The following PDSS2 variants were observed in gnomAD, a reference collection of about 807,000 sequenced individuals.
PDSS2 encodes the protein all trans-polyprenyl-diphosphate synthase PDSS2.
In PDSS2, 31 loss-of-function variants were observed where a neutral mutation model predicts 44.5. The ratio of observed to expected loss-of-function variants is 0.70; its 90% CI spans 0.52 to 0.94. PDSS2 has a LOEUF of 0.94. Among genes scored for constraint, PDSS2 ranks in the 40% least tolerant of loss-of-function variants. The probability of loss-of-function intolerance (pLI) is 0.00; values close to 1 mark genes in which losing one functional copy is unlikely to be tolerated. For synonymous variants in PDSS2, 157 were observed against 180.3 expected, an observed-to-expected ratio of 0.87 and a Z score of 1.03; for missense variants, 452 against 482.2, an observed-to-expected ratio of 0.94 and a Z score of 0.59.
At chr6:107,301,668 A>T (rs1469744684) in intron 2 of PDSS2, among the ~76,000 whole-genome samples, 3 of 152,106 alleles carry the variant, frequency 2.0e-5, no homozygotes, top group Admixed American at 2.0e-4. Flanking sequence ...ATGAAAATTT[A>T]AAAAAATAGT....
Position 107,459,226 on chromosome 6 carries a change from CG to C in PDSS2, c.59del (p.Pro20ArgfsTer33), listed in dbSNP as rs1782164749. The C allele has an allele frequency of 6.2e-7, 1 of 1,614,084 alleles. No homozygotes were observed. Among genetic ancestry groups the C allele is most frequent in the South Asian group, 1.1e-5 (1 of 91,060 alleles). ...LPRYLGASGS[P>X]RRLWWSPSLD... ...GGGACGGGGACCACCACAGGCGACG[CG>C]GGGAACCCGAGGCTCCAAGATAACG... On this transcript the variant is annotated frameshift_variant, in exon 1 of 8. Transcript: ENST00000369037. LOFTEE classifies it high-confidence loss of function. The surrounding 1 kb of genome is among the most constrained non-coding windows in gnomAD (Gnocchi z 4.3).
intron 1 of PDSS2, among the ~76,000 whole-genome samples, chr6:107,394,193 A>T (rs554012601): frequency 6.6e-6 from 1 of 151,976 alleles, no homozygotes; most frequent in African/African-American, 2.4e-5. Context: ...CTTATTTTTC[A>T]AGTGGTTCTT....
chr6:107,407,333 TA>T lies in PDSS2; in HGVS notation c.296+51656del, dbSNP rs1443596919. Among the ~76,000 whole-genome samples the T allele has an allele frequency of 3.3e-5, 5 of 152,182 alleles. 1 individual carries two copies. The East Asian group carries it at 7.7e-4, about 23-fold the overall frequency. ...GAGTTACTGTTTCTATTTGTGATCA[TA>T]AAAAAGTTCTGAAAATTAATAGTGG... On this transcript the variant is annotated intron_variant, in intron 1 of 7. Coordinates refer to ENST00000369037, the MANE Select transcript of PDSS2 (RefSeq NM_020381.4).
At chr6:107,283,636 C>G in intron 2 of PDSS2, among the ~76,000 whole-genome samples, 1 of 152,114 alleles carries the variant, frequency 6.6e-6, no homozygotes, top group East Asian at 1.9e-4. Flanking sequence ...AGAAGAATCA[C>G]TTGAACCCAG....
At chr6:107,329,048 T>C (rs1397983855) in intron 2 of PDSS2, among the ~76,000 whole-genome samples, 6 of 152,232 alleles carry the variant, frequency 3.9e-5, no homozygotes, top group Non-Finnish European at 8.8e-5. Flanking sequence ...ACGACTTCAC[T>C]AATTCCCTGG....
chr6:107,203,670 A>C (rs1028447285), intron 6 of PDSS2, among the ~76,000 whole-genome samples: 1 of 152,152 alleles, frequency 6.6e-6, no homozygotes, highest in Non-Finnish European at 1.5e-5. Context: ...CATAACATAA[A>C]ATTAATCATT....
At chr6:107,390,492 A>C (rs1180325018) in intron 1 of PDSS2, among the ~76,000 whole-genome samples, 1 of 152,168 alleles carries the variant, frequency 6.6e-6, no homozygotes, top group Non-Finnish European at 1.5e-5. Context: ...CAGAATGGGG[A>C]AAATAAGGAG....
chr6:107,282,559 CTT>C (rs879504384), intron 2 of PDSS2, among the ~76,000 whole-genome samples: 1 of 146,382 alleles, frequency 6.8e-6, no homozygotes, highest in Admixed American at 6.8e-5. Context: ...TACCTGGCTG[CTT>C]TTTTTTTTTA....
intron 2 of PDSS2, among the ~76,000 whole-genome samples, chr6:107,322,799 G>A (rs924644496): frequency 1.1e-4 from 16 of 152,166 alleles, no homozygotes; most frequent in African/African-American, 3.9e-4. Flanking sequence ...CTCCAGCCTG[G>A]GCAACAGAGG....
In PDSS2 at chr6:107,428,046, G is replaced by A. The variant is rs548570855; in HGVS notation, c.296+30944C>T. Among the ~76,000 whole-genome samples the A allele has an allele frequency of 4.6e-5, 7 of 152,262 alleles. No individual in the cohort carries two copies. In the South Asian group the frequency reaches 1.4e-3, roughly 32 times the overall value. On this transcript the variant is annotated intron_variant, in intron 1 of 7. Transcript: ENST00000369037. ...CTGAAATTCTATCTATATCTATAAT[G>A]TTTAAAACTAATATATTTTCATAGT... is the stretch of plus-strand genomic sequence containing the variant.
chr6:107,204,029 G>A (rs1018800885), intron 6 of PDSS2, among the ~76,000 whole-genome samples: 5 of 150,906 alleles, frequency 3.3e-5, no homozygotes, highest in South Asian at 2.1e-4. Context: ...TGCAACCTCC[G>A]CCTCCCGGGT....
At chr6:107,331,712 A>G (rs1777716646) in intron 2 of PDSS2, among the ~76,000 whole-genome samples, 1 of 152,214 alleles carries the variant, frequency 6.6e-6, no homozygotes, top group South Asian at 2.1e-4. Flanking sequence ...ATTTCAGATA[A>G]GTCAACCTGA....
intron 2 of PDSS2, among the ~76,000 whole-genome samples, chr6:107,316,495 T>TA (rs1777203790): frequency 6.6e-6 from 1 of 152,202 alleles, no homozygotes; most frequent in African/African-American, 2.4e-5. Context: ...ACAGCTATTA[T>TA]ATATGGCTAT....
At chr6:107,234,060 C>T (rs1362103137) in intron 4 of PDSS2, among the ~76,000 whole-genome samples, 2 of 152,082 alleles carry the variant, frequency 1.3e-5, no homozygotes, top group African/African-American at 4.8e-5. Flanking sequence ...TAATGAAAAA[C>T]TCAGAACATA....
At chr6:107,327,760 A>G (rs992503823) in intron 2 of PDSS2, among the ~76,000 whole-genome samples, 15 of 152,200 alleles carry the variant, frequency 9.9e-5, no homozygotes, top group African/African-American at 3.4e-4. Context: ...CCCGGTCAAC[A>G]CTTTTCTTTT....
chr6:107,283,530 G>A (rs998636994), intron 2 of PDSS2, among the ~76,000 whole-genome samples: 1 of 151,926 alleles, frequency 6.6e-6, no homozygotes, highest in Non-Finnish European at 1.5e-5. Flanking sequence ...ACACCAGCCT[G>A]ACCAACTTGG....
intron 2 of PDSS2, among the ~76,000 whole-genome samples, chr6:107,315,194 G>A (rs1777163926): frequency 6.6e-6 from 1 of 151,992 alleles, no homozygotes; most frequent in Admixed American, 6.6e-5. Flanking sequence ...TAATAAAATA[G>A]AATTTGCAGA....
At chr6:107,327,826 T>C (rs544695762) in intron 2 of PDSS2, among the ~76,000 whole-genome samples, 2 of 152,236 alleles carry the variant, frequency 1.3e-5, no homozygotes, top group Non-Finnish European at 2.9e-5. Context: ...AAATTAAGAT[T>C]GTTTCATGAA....
At chr6:107,441,850 C>T (rs1781519163) in intron 1 of PDSS2, among the ~76,000 whole-genome samples, 1 of 152,222 alleles carries the variant, frequency 6.6e-6, no homozygotes, top group African/African-American at 2.4e-5. Context: ...ACAGGGGTGG[C>T]CAACACTCAA....
Sources: allele counts gnomAD v4.1 joint callset (sites outside exome capture counted in the v4.1 genomes callset), GRCh38; gene constraint gnomAD v4.1.1; non-coding constraint Gnocchi (gnomAD v3.1); transcripts MANE v1.5; gene names NCBI Gene and HGNC (gene_info 2026-07-23, HGNC 2026-07-21).